Variants in NNMT observed in about 807,000 individuals in gnomAD.
NNMT encodes the protein nicotinamide N-methyltransferase.
Under a neutral mutation model 11.7 loss-of-function variants are expected in NNMT, and 10 were observed. The observed-to-expected ratio is 0.85, with a 90% CI of 0.53 to 1.45. The LOEUF (loss-of-function observed/expected upper bound fraction) is 1.45. Among genes scored for constraint, NNMT ranks in the 40% most tolerant of loss-of-function variants. The pLI is 0.00. For missense variants in NNMT, 381 were observed against 319.4 expected (o/e 1.19, Z -1.47); for synonymous variants, 143 against 133.8 (o/e 1.07, Z -0.48).
At chr11:114,282,078 G>C (rs1290767487) in intron 2 of NNMT, among the ~76,000 whole-genome samples, 3 of 152,038 alleles carry the variant, frequency 2.0e-5, no homozygotes, top group Non-Finnish European at 4.4e-5. Flanking sequence ...AATTAAAAAC[G>C]CCAGGCATGG....
At chr11:114,280,967 C>T (rs1366156563) in intron 2 of NNMT, among the ~76,000 whole-genome samples, 1 of 152,180 alleles carries the variant, frequency 6.6e-6, no homozygotes, top group Admixed American at 6.5e-5. Context: ...GTGCCCTGAC[C>T]TCCACCCGGC....
At chr11:114,288,816 G>A (rs1413021150) in intron 2 of NNMT, among the ~76,000 whole-genome samples, 1 of 152,114 alleles carries the variant, frequency 6.6e-6, no homozygotes, top group Non-Finnish European at 1.5e-5. Context: ...ATACATATTT[G>A]CTACTTTATT....
chr11:114,287,173 T>A (rs1421315834), intron 2 of NNMT, among the ~76,000 whole-genome samples: 1 of 152,196 alleles, frequency 6.6e-6, no homozygotes, highest in South Asian at 2.1e-4. Context: ...TGTTGTAGTA[T>A]CTTTTCCCTC....
chr11:114,262,149 C>G (rs1045225575), intron 1 of NNMT, among the ~76,000 whole-genome samples: 4 of 152,290 alleles, frequency 2.6e-5, no homozygotes, highest in Non-Finnish European at 5.9e-5. Flanking sequence ...TCGCTGAAGT[C>G]AGCTCCTGCC....
chr11:114,303,162 G>T (rs1307433170), intron 2 of NNMT, among the ~76,000 whole-genome samples: 1 of 152,036 alleles, frequency 6.6e-6, no homozygotes, highest in African/African-American at 2.4e-5. Context: ...CCCAAGATCT[G>T]TTCTTCTGTT....
At chr11:114,286,753 G>A (rs946693117) in intron 2 of NNMT, among the ~76,000 whole-genome samples, 9 of 152,156 alleles carry the variant, frequency 5.9e-5, no homozygotes, top group African/African-American at 2.2e-4. Context: ...GAACATTCAT[G>A]TTTATGTGCC....
At chr11:114,297,768 T>C (rs1343709597) in intron 1 of NNMT, among the ~76,000 whole-genome samples, 183 bp from the exon 2 acceptor site, 1 of 152,224 alleles carries the variant, frequency 6.6e-6, no homozygotes, top group African/African-American at 2.4e-5. Flanking sequence ...ACTGTAGGCA[T>C]GAGCCACTGT....
upstream of NNMT, among the ~76,000 whole-genome samples, chr11:114,292,222 A>C (rs1215563033): frequency 6.6e-6 from 1 of 152,198 alleles, no homozygotes. Context: ...TTTTATATCT[A>C]TATATCAGCA....
At chr11:114,259,951 A>G (rs1233120279) in intron 1 of NNMT, among the ~76,000 whole-genome samples, 1 of 152,046 alleles carries the variant, frequency 6.6e-6, no homozygotes, top group African/African-American at 2.4e-5. Flanking sequence ...CCCCTTACCC[A>G]CCACCCTGAC....
Position 114,276,861 on chromosome 11 carries a change from C to T in NNMT, c.-130+13927C>T, listed in dbSNP as rs117892233. Among the ~76,000 whole-genome samples the T allele has an allele frequency of 9.7e-3, 1,476 of 152,336 alleles. 7 individuals carry two copies. Among genetic ancestry groups the T allele is most frequent in the Middle Eastern group, 0.034 (10 of 294 alleles). On this transcript the variant is annotated intron_variant, in intron 2 of 4. Coordinates refer to the NNMT transcript ENST00000535401. ...GACATGGCTTTTCCTCTTTGGCTCT[C>T]TGACTTACTTGCTCTGTGACCTTTG... is the stretch of plus-strand genomic sequence containing the variant.
chr11:114,282,274 T>TA (rs901902855), intron 2 of NNMT, among the ~76,000 whole-genome samples: 6 of 151,836 alleles, frequency 4.0e-5, no homozygotes, highest in African/African-American at 1.5e-4. Flanking sequence ...ACAAAAACAA[T>TA]AAAAAAATTA....
intron 2 of NNMT, among the ~76,000 whole-genome samples, chr11:114,308,496 C>T (rs538835748): frequency 2.0e-4 from 30 of 152,302 alleles, no homozygotes; most frequent in African/African-American, 7.0e-4. Flanking sequence ...CGGGGCCCTC[C>T]TCTTCATCCT....
intron 2 of NNMT, among the ~76,000 whole-genome samples, chr11:114,273,403 T>A (rs1945187252): frequency 6.6e-6 from 1 of 152,154 alleles, no homozygotes; most frequent in Non-Finnish European, 1.5e-5. Flanking sequence ...ATGATATTGA[T>A]ATTTTGTGTC....
At chr11:114,279,263 G>A (rs1316227682) in intron 2 of NNMT, among the ~76,000 whole-genome samples, 2 of 152,124 alleles carry the variant, frequency 1.3e-5, no homozygotes, top group African/African-American at 2.4e-5. Context: ...AACACACAGC[G>A]TGCTTTTATT....
chr11:114,281,884 T>A (rs1323671205), intron 2 of NNMT, among the ~76,000 whole-genome samples: 1 of 152,154 alleles, frequency 6.6e-6, no homozygotes, highest in East Asian at 1.9e-4. Context: ...TGGGGGAATG[T>A]CTTCTTCACT....
In NNMT at chr11:114,271,035, C is replaced by T. The variant is rs923653813; in HGVS notation, c.-130+8101C>T. ...CAAGTGATCCACCTGCCTCAGCCTTCCAAAGTTCTGGGATTACAGGCATGA... is the reference window on the plus strand; with the variant it reads ...CAAGTGATCCACCTGCCTCAGCCTTTCAAAGTTCTGGGATTACAGGCATGA... On this transcript the variant is annotated intron_variant, in intron 2 of 4. Transcript: ENST00000535401. 2.6e-5 allele frequency among the ~76,000 whole-genome samples: 4 copies of T among 152,106 alleles called. No individual in the cohort carries two copies. In the East Asian group the frequency reaches 7.7e-4, roughly 29 times the overall value.
intron 1 of NNMT, 57 bp downstream of exon 1, chr11:114,296,767 A>C: frequency 6.4e-7 from 1 of 1,555,378 alleles, no homozygotes; most frequent in Non-Finnish European, 8.8e-7. Flanking sequence ...ATGGAGTCTC[A>C]GGGCACGACT....
chr11:114,292,854 A>G (rs986466549), upstream of NNMT, among the ~76,000 whole-genome samples: 2 of 152,166 alleles, frequency 1.3e-5, no homozygotes, highest in Non-Finnish European at 2.9e-5. Flanking sequence ...CTATATCACC[A>G]CTATGTCTAA....
intron 2 of NNMT, among the ~76,000 whole-genome samples, chr11:114,288,661 G>A (rs1239163472): frequency 6.6e-6 from 1 of 152,028 alleles, no homozygotes; most frequent in Non-Finnish European, 1.5e-5. Context: ...GCGTGACCTG[G>A]GCAATTTACT....
Sources: allele counts gnomAD v4.1 joint callset (sites outside exome capture counted in the v4.1 genomes callset), GRCh38; gene constraint gnomAD v4.1.1; transcripts MANE v1.5; gene names NCBI Gene and HGNC (gene_info 2026-07-23, HGNC 2026-07-21).